Variants in PPARGC1A observed in about 807,000 individuals in gnomAD.
PPARGC1A encodes peroxisome proliferator-activated receptor gamma coactivator 1-alpha.
A neutral mutation model predicts 88.7 loss-of-function variants in PPARGC1A; 25 were observed. That is an observed-to-expected ratio of 0.28 (90% confidence interval 0.21 to 0.39). PPARGC1A has a LOEUF of 0.39. Ranked by LOEUF, PPARGC1A falls within the 10% of genes least tolerant of loss-of-function variation. The pLI is 1.00. For synonymous variants in PPARGC1A, 363 were observed against 355.6 expected (o/e 1.02, Z -0.24); for missense variants, 880 against 968.7 (o/e 0.91, Z 1.22).
At chr4:24,211,914 T>G in the PPARGC1A span, among the ~76,000 whole-genome samples, 1 of 152,208 alleles carries the variant, frequency 6.6e-6, no homozygotes, top group South Asian at 2.1e-4. Flanking sequence ...TTTCATCGCC[T>G]AAGCCAGCCA....
chr4:24,161,389 A>G, the PPARGC1A span, among the ~76,000 whole-genome samples: 2 of 152,324 alleles, frequency 1.3e-5, no homozygotes, highest in East Asian at 1.9e-4. Context: ...CCATGGAAGG[A>G]GCCTGGGCTT....
the PPARGC1A span, among the ~76,000 whole-genome samples, chr4:24,000,101 CCTTT>C: frequency 1.3e-5 from 2 of 152,142 alleles, no homozygotes; most frequent in East Asian, 3.9e-4. Context: ...TTTTCATTTT[CCTTT>C]CTTTTTTCTT....
At chr4:23,970,458 T>G in the PPARGC1A span, among the ~76,000 whole-genome samples, 2 of 152,190 alleles carry the variant, frequency 1.3e-5, no homozygotes, top group African/African-American at 4.8e-5. Context: ...TGTCCCAGCC[T>G]GGCCCCTCCA....
At chr4:24,354,008 G>C in the PPARGC1A span, among the ~76,000 whole-genome samples, 1 of 152,184 alleles carries the variant, frequency 6.6e-6, no homozygotes, top group Admixed American at 6.5e-5. Context: ...CTGTAGGTCA[G>C]AAGTCTGCCG....
chr4:23,876,633 C>T (rs1437706541), intron 2 of PPARGC1A, among the ~76,000 whole-genome samples: 1 of 152,042 alleles, frequency 6.6e-6, no homozygotes, highest in African/African-American at 2.4e-5. Flanking sequence ...TCCTCTCTGC[C>T]CTACCAGCCT....
the PPARGC1A span, among the ~76,000 whole-genome samples, chr4:24,041,874 C>T: frequency 6.7e-6 from 1 of 150,128 alleles, no homozygotes; most frequent in South Asian, 2.1e-4. Flanking sequence ...TTTCAGGTGT[C>T]AGATTGTGAG....
At chr4:23,982,116 C>T in the PPARGC1A span, among the ~76,000 whole-genome samples, 1 of 152,178 alleles carries the variant, frequency 6.6e-6, no homozygotes, top group African/African-American at 2.4e-5. Context: ...AAAGATACTT[C>T]TGAGAGAGAA....
the PPARGC1A span, among the ~76,000 whole-genome samples, chr4:24,007,479 T>C: frequency 6.6e-6 from 1 of 152,098 alleles, no homozygotes; most frequent in Non-Finnish European, 1.5e-5. Flanking sequence ...CACGGTGCTA[T>C]GAAGGAGCAC....
At chr4:24,328,725 AATCTCT>A in the PPARGC1A span, among the ~76,000 whole-genome samples, 3 of 152,022 alleles carry the variant, frequency 2.0e-5, no homozygotes, top group African/African-American at 7.2e-5. Flanking sequence ...ACCCCATCCC[AATCTCT>A]AAGAAATCCC....
the PPARGC1A span, among the ~76,000 whole-genome samples, chr4:24,208,682 A>AAAATATAT: frequency 8.1e-5 from 11 of 134,998 alleles, no homozygotes; most frequent in African/African-American, 2.7e-4. Context: ...TCAGAAAAAA[A>AAAATATAT]ATATATATAT....
At chr4:24,416,310 A>C in the PPARGC1A span, among the ~76,000 whole-genome samples, 1 of 89,570 alleles carries the variant, frequency 1.1e-5, no homozygotes, top group African/African-American at 3.9e-5. Flanking sequence ...TAATCTATTT[A>C]GTATACAGTG....
At chr4:24,021,414 C>T in the PPARGC1A span, among the ~76,000 whole-genome samples, 2 of 152,310 alleles carry the variant, frequency 1.3e-5, no homozygotes, top group South Asian at 4.2e-4. Context: ...TTCATTCCTT[C>T]CTCAGTGATG....
Position 23,828,511 on chromosome 4 carries a change from T to A in PPARGC1A, c.646A>T (p.Thr216Ser). 1 of 1,614,142 alleles carries A rather than the reference T, an allele frequency of 6.2e-7. No individual in the cohort carries two copies. Among genetic ancestry groups the A allele is most frequent in the Middle Eastern group, 1.6e-4 (1 of 6,062 alleles). ...TTGGTGTGAGGAGGGTCATCGTTTG[T>A]GGTCAGATATTTGAGAAGCTCCGAG... is the stretch of plus-strand genomic sequence containing the variant. ...PCSELLKYLT[T>S]NDDPPHTKPT... The change falls in exon 5 of 13, where the codon ACA (threonine) becomes TCA (serine). Residue 216 changes from threonine (T) to serine (S), a missense_variant. Transcript: ENST00000264867.
At chr4:24,248,864 C>T in the PPARGC1A span, among the ~76,000 whole-genome samples, 3 of 152,156 alleles carry the variant, frequency 2.0e-5, no homozygotes, top group Non-Finnish European at 2.9e-5. Context: ...GTCAGGAATG[C>T]ACATGGCAAG....
At chr4:23,830,064 T>A (rs1411802143) in intron 3 of PPARGC1A, among the ~76,000 whole-genome samples, 2 of 150,780 alleles carry the variant, frequency 1.3e-5, no homozygotes, top group Non-Finnish European at 3.0e-5. Context: ...GACATGGGAG[T>A]GGAGTGTGGG....
the PPARGC1A span, among the ~76,000 whole-genome samples, chr4:24,235,934 CA>C: frequency 6.6e-6 from 1 of 152,142 alleles, no homozygotes; most frequent in African/African-American, 2.4e-5. Flanking sequence ...GCAAGTTTTT[CA>C]GAGGTGTGTT....
chr4:24,029,383 C>T, the PPARGC1A span, among the ~76,000 whole-genome samples: 278 of 152,294 alleles, frequency 1.8e-3, 2 homozygotes, highest in African/African-American at 6.4e-3. Context: ...TTCTCACTTG[C>T]TTGCCTTAAC....
chr4:24,150,682 G>T, the PPARGC1A span, among the ~76,000 whole-genome samples: 1 of 152,100 alleles, frequency 6.6e-6, no homozygotes, highest in Non-Finnish European at 1.5e-5. Flanking sequence ...CAGTGCCGTG[G>T]GCATTAGGAC....
rs192526434 is a variant in PPARGC1A at position 23,799,708 on chromosome 4, G to A, written c.2293+2022C>T. ...CCGGCTAGGCAGGGAGATAACGAGAGAGGAAGCATCCTTCTTAGAAATATT... is the reference window on the plus strand; with the variant it reads ...CCGGCTAGGCAGGGAGATAACGAGAAAGGAAGCATCCTTCTTAGAAATATT... On this transcript the variant is annotated intron_variant, in intron 12 of 12. Transcript: ENST00000264867. Among the ~76,000 whole-genome samples the A allele has an allele frequency of 2.0e-5, 3 of 152,182 alleles. No homozygotes were observed. The East Asian group carries it at 5.8e-4, about 29-fold the overall frequency.
Sources: allele counts gnomAD v4.1 joint callset (sites outside exome capture counted in the v4.1 genomes callset), GRCh38; gene constraint gnomAD v4.1.1; transcripts MANE v1.5; gene names NCBI Gene and HGNC (gene_info 2026-07-23, HGNC 2026-07-21).